Variants in DHRSX observed in about 807,000 individuals in gnomAD.
DHRSX encodes polyprenol dehydrogenase.
Under a neutral mutation model 34.0 loss-of-function variants are expected in DHRSX, and 31 were observed. That is an observed-to-expected ratio of 0.91 (90% CI 0.69 to 1.23). The LOEUF is 1.23. Ranked by LOEUF, DHRSX falls within the 50% of genes most tolerant of loss-of-function variation. The pLI is 0.00. For synonymous variants in DHRSX, 201 were observed against 183.8 expected (o/e 1.09, Z -0.76); for missense variants, 414 against 428.1 (o/e 0.97, Z 0.29).
intron 2 of DHRSX, among the ~76,000 whole-genome samples, chrX:2,423,968 G>A (rs1031336483): frequency 2.6e-5 from 4 of 152,184 alleles, no homozygotes; most frequent in Non-Finnish European, 5.9e-5. Flanking sequence ...GATTCTGTTA[G>A]GAGCTTGTGT....
chrX:2,253,583 G>A (rs1285393661), intron 5 of DHRSX, among the ~76,000 whole-genome samples: 2 of 152,222 alleles, frequency 1.3e-5, no homozygotes, highest in Admixed American at 6.5e-5. Flanking sequence ...CAGGGAGACT[G>A]CCAAAAAACA....
In DHRSX at chrX:2,463,699, T is replaced by C. The variant is rs187162603; in HGVS notation, c.109+37118A>G. 2.0e-5 allele frequency among the ~76,000 whole-genome samples: 3 copies of C among 152,042 alleles called. No individual in the cohort carries two copies. The East Asian group carries it at 5.8e-4, about 29-fold the overall frequency. ...GACGCTGGCTGGAGAATGTCTGGGATGGTGACGTGCAGAGAGGAGCAGGCT... is the reference window on the plus strand; with the variant it reads ...GACGCTGGCTGGAGAATGTCTGGGACGGTGACGTGCAGAGAGGAGCAGGCT... On this transcript the variant is annotated intron_variant, in intron 1 of 6. Coordinates refer to ENST00000334651, the MANE Select transcript of DHRSX (RefSeq NM_145177.3).
intron 5 of DHRSX, among the ~76,000 whole-genome samples, chrX:2,257,423 C>G (rs1280606182): frequency 6.6e-6 from 1 of 152,202 alleles, no homozygotes; most frequent in Non-Finnish European, 1.5e-5. Context: ...CTGCACCTGA[C>G]TGGGAATACC....
intron 1 of DHRSX, among the ~76,000 whole-genome samples, chrX:2,444,807 C>G (rs1484780287): frequency 2.0e-5 from 3 of 151,776 alleles, no homozygotes; most frequent in Non-Finnish European, 4.4e-5. Flanking sequence ...TGCACTCTAG[C>G]CTGTGGGACA....
In DHRSX at chrX:2,314,415, AAGGAAGGAAGGGGAGAAGGG is replaced by A. The variant is rs1170301322; in HGVS notation, c.287-22832_287-22813del. Among the ~76,000 whole-genome samples, 432 of 91,756 alleles carry A rather than the reference AAGGAAGGAAGGGGAGAAGGG, an allele frequency of 4.7e-3. 10 individuals are homozygous for A. The highest frequency in any genetic ancestry group is 0.024 in the African/African-American group (333 of 13,608). 60.2% of individuals were successfully genotyped at this position (91,756 alleles called of 152,430 possible). A position where few individuals can be genotyped will look rare whatever the true frequency, so the allele number is the denominator to read the frequency against. Reference sequence around the variant, plus strand: ...AGGAAGGAAGGGAAAGAAGGGAGGGAAGGAAGGAAGGGGAGAAGGGAGGAAGGAAGGGGAGAAGGGAGGAA... The same window carrying A: ...AGGAAGGAAGGGAAAGAAGGGAGGGAAGGAAGGAAGGGGAGAAGGGAGGAA... On this transcript the variant is annotated intron_variant, in intron 3 of 6. Coordinates refer to ENST00000334651, the MANE Select transcript of DHRSX (RefSeq NM_145177.3).
chrX:2,232,380 G>A (rs1255420364), intron 6 of DHRSX, among the ~76,000 whole-genome samples: 1 of 151,928 alleles, frequency 6.6e-6, no homozygotes, highest in East Asian at 1.9e-4. Flanking sequence ...TTCATATAGA[G>A]CATTCATATG....
intron 3 of DHRSX, among the ~76,000 whole-genome samples, chrX:2,338,658 T>G (rs1328540151): frequency 6.6e-6 from 1 of 152,084 alleles, no homozygotes; most frequent in Non-Finnish European, 1.5e-5. Flanking sequence ...TCGTGTGGTC[T>G]CTGTACACAT....
At chrX:2,404,312 A>G (rs1453909272) in intron 3 of DHRSX, among the ~76,000 whole-genome samples, 2 of 151,832 alleles carry the variant, frequency 1.3e-5, no homozygotes, top group African/African-American at 2.4e-5. Context: ...GCACTTTTGG[A>G]TTCATTGTGT....
At chrX:2,455,240 A>C (rs1483270018) in intron 1 of DHRSX, among the ~76,000 whole-genome samples, 1 of 151,972 alleles carries the variant, frequency 6.6e-6, no homozygotes, top group African/African-American at 2.4e-5. Flanking sequence ...GTGGTAGGTA[A>C]GCATTGGGTA....
intron 1 of DHRSX, among the ~76,000 whole-genome samples, chrX:2,460,402 T>A (rs2044386609): frequency 6.6e-6 from 1 of 152,108 alleles, no homozygotes; most frequent in Non-Finnish European, 1.5e-5. Context: ...ATTTTCACAT[T>A]GAAATTTCCT....
chrX:2,391,298 G>C (rs1305146850), intron 3 of DHRSX, among the ~76,000 whole-genome samples: 2 of 152,156 alleles, frequency 1.3e-5, no homozygotes. Flanking sequence ...CAATAATAAA[G>C]AAACTCTCCA....
chrX:2,341,214 C>T (rs1446621747), intron 3 of DHRSX, among the ~76,000 whole-genome samples: 5 of 152,082 alleles, frequency 3.3e-5, no homozygotes, highest in African/African-American at 4.8e-5. Flanking sequence ...TCACCGCACA[C>T]GCTTGCATTC....
chrX:2,303,793 G>GTGGATGGA lies in DHRSX; in HGVS notation c.287-12191_287-12190insTCCATCCA, dbSNP rs1569485711. ...GATAAATGGATGGATGGATGGATGGGTGGGTGGGTGGGTGGATGGGTGGGT... is the reference window on the plus strand; with the variant it reads ...GATAAATGGATGGATGGATGGATGGGTGGATGGATGGGTGGGTGGGTGGATGGGTGGGT... On this transcript the variant is annotated intron_variant, in intron 3 of 6. Coordinates refer to ENST00000334651, the MANE Select transcript of DHRSX (RefSeq NM_145177.3). Among the ~76,000 whole-genome samples, 28 of 35,856 alleles carry GTGGATGGA rather than the reference G, an allele frequency of 7.8e-4. 1 individual carries two copies. The highest frequency in any genetic ancestry group is 0.036 in the Middle Eastern group (1 of 28). The allele number at this position is 35,856 out of a possible 152,430, so 23.5% of individuals were successfully genotyped here.
At chrX:2,370,364 G>A (rs1027263794) in intron 3 of DHRSX, among the ~76,000 whole-genome samples, 1 of 151,942 alleles carries the variant, frequency 6.6e-6, no homozygotes, top group African/African-American at 2.4e-5. Flanking sequence ...TAGAGATGGG[G>A]TTTCACCATG....
chrX:2,294,044 T>C (rs930366881), intron 3 of DHRSX, among the ~76,000 whole-genome samples: 8 of 132,430 alleles, frequency 6.0e-5, no homozygotes, highest in African/African-American at 1.7e-4. Context: ...AAGAGAGAGA[T>C]AGAAAGATAG....
At position 2,491,773 on chromosome X, in the gene DHRSX, A is replaced by G. The variant is rs766326602; in HGVS notation, c.109+9044T>C. On this transcript the variant is annotated intron_variant, in intron 1 of 6. Coordinates refer to ENST00000334651, the MANE Select transcript of DHRSX (RefSeq NM_145177.3). ...CAAAATGCCCATTGTGTCCAGTCAC[A>G]CCTGTGGGCAGAAAGGCCCAACTGG... 2.6e-5 allele frequency among the ~76,000 whole-genome samples: 4 copies of G among 152,324 alleles called. No individual in the cohort carries two copies. The East Asian group carries it at 5.8e-4, about 22-fold the overall frequency.
intron 3 of DHRSX, among the ~76,000 whole-genome samples, chrX:2,390,565 T>C (rs1490925786): frequency 6.6e-6 from 1 of 152,240 alleles, no homozygotes; most frequent in Non-Finnish European, 1.5e-5. Flanking sequence ...TAGCCATCAC[T>C]GCCATGCATC....
At chrX:2,422,441 T>G (rs1346763124) in intron 2 of DHRSX, among the ~76,000 whole-genome samples, 1 of 151,782 alleles carries the variant, frequency 6.6e-6, no homozygotes, top group Non-Finnish European at 1.5e-5. Context: ...TTTTGTATTT[T>G]TAGTAGAGAC....
chrX:2,374,505 G>A (rs2043117663), intron 3 of DHRSX, among the ~76,000 whole-genome samples: 1 of 141,284 alleles, frequency 7.1e-6, no homozygotes, highest in Non-Finnish European at 1.7e-5. Flanking sequence ...TTGGGAGGCC[G>A]AGGCAGGCAA....
Sources: gnomAD v4.1 joint callset for allele counts (sites outside exome capture counted in the v4.1 genomes callset) on GRCh38, gnomAD v4.1.1 for gene constraint, MANE v1.5 for transcripts, NCBI Gene and HGNC (gene_info 2026-07-23, HGNC 2026-07-21) for gene names.